Variants in RBKS observed in about 807,000 individuals in gnomAD.
RBKS encodes the protein ribokinase.
In RBKS, 33 loss-of-function variants were observed where a neutral mutation model predicts 33.9. The observed-to-expected ratio is 0.97, with a 90% CI of 0.74 to 1.30. The LOEUF (loss-of-function observed/expected upper bound fraction) is 1.30, where lower values mean the gene tolerates loss of function less well. RBKS is among the 50% of genes most tolerant of loss of function. The pLI is 0.00. For synonymous variants in RBKS, 125 were observed against 143.0 expected (o/e 0.87, Z 0.90); for missense variants, 361 against 392.6 (o/e 0.92, Z 0.68).
At chr2:27,879,030 C>T (rs556955709) in intron 1 of RBKS, among the ~76,000 whole-genome samples, 1 of 152,304 alleles carries the variant, frequency 6.6e-6, no homozygotes, top group African/African-American at 2.4e-5. Context: ...TCAGCAGATA[C>T]CATGCAAGCC....
chr2:27,805,255 T>A (rs1327844321), intron 7 of RBKS, among the ~76,000 whole-genome samples: 1 of 152,226 alleles, frequency 6.6e-6, no homozygotes, highest in Non-Finnish European at 1.5e-5. Context: ...TTGGACAAAC[T>A]TGCATTAACT....
intron 7 of RBKS, among the ~76,000 whole-genome samples, chr2:27,826,236 C>T (rs1678308951): frequency 1.3e-5 from 2 of 152,126 alleles, no homozygotes; most frequent in African/African-American, 4.8e-5. Context: ...TCCCCTCAGC[C>T]TTCTTTTTTC....
At chr2:27,879,619 T>C (rs546705442) in intron 1 of RBKS, among the ~76,000 whole-genome samples, 1 of 152,250 alleles carries the variant, frequency 6.6e-6, no homozygotes, top group East Asian at 1.9e-4. Flanking sequence ...AGCCAACACA[T>C]TTCTGTTCGT....
chr2:27,840,359 C>CACAT (rs1475964445), intron 5 of RBKS, among the ~76,000 whole-genome samples: 1 of 101,134 alleles, frequency 9.9e-6, no homozygotes, highest in South Asian at 3.1e-4. Flanking sequence ...CACACACGCG[C>CACAT]GCGCGCACAC....
chr2:27,781,638 CT>C lies in RBKS; in HGVS notation c.945del (p.Asp316ThrfsTer11), dbSNP rs746890274. 2.5e-6 allele frequency: 4 copies of C among 1,612,344 alleles called. No homozygotes were observed. The highest frequency in any genetic ancestry group is 2.2e-5 in the East Asian group (1 of 44,776). On this transcript the variant is annotated frameshift_variant, in exon 8 of 8. Coordinates refer to ENST00000302188, the MANE Select transcript of RBKS (RefSeq NM_022128.3). LOFTEE classifies it high-confidence loss of function. ...AATCAAAACAGAGTAAGCGGAAGGT[CT>C]TTTTTGTAAGGGTAAGATGACTGTG... The part of the protein sequence containing the change: ...AGTQSSYPYK[K>X]DLPLTLF
chr2:27,845,186 G>T (rs1663599601), intron 4 of RBKS, among the ~76,000 whole-genome samples: 2 of 152,168 alleles, frequency 1.3e-5, no homozygotes, highest in Non-Finnish European at 2.9e-5. Context: ...CAAATTTTTG[G>T]CCTGGCCTTA....
At chr2:27,861,809 GC>G (rs1463975243) in intron 1 of RBKS, among the ~76,000 whole-genome samples, 1 of 151,760 alleles carries the variant, frequency 6.6e-6, no homozygotes, top group Non-Finnish European at 1.5e-5. Context: ...GCACCACCAT[GC>G]CCAGCTAATT....
In RBKS at chr2:27,781,419, T is replaced by C. The variant is rs140736514; in HGVS notation, c.*196A>G. On this transcript the variant is annotated 3_prime_UTR_variant, in exon 8 of 8. Transcript: ENST00000302188. Reference sequence around the variant, plus strand: ...ATCTTGGTTGTGGAATCTTTAATTCTGGTTGTTTTGTGCAAATGCATGGAA... The same window carrying C: ...ATCTTGGTTGTGGAATCTTTAATTCCGGTTGTTTTGTGCAAATGCATGGAA... 585 of 536,932 alleles carry C rather than the reference T, an allele frequency of 1.1e-3. 2 individuals are homozygous for C. Among genetic ancestry groups the C allele is most frequent in the African/African-American group, 0.011 (545 of 51,876 alleles). 33.3% of individuals were successfully genotyped at this position (536,932 alleles called of 1,614,324 possible).
chr2:27,887,304 C>G (rs1457775352), intron 1 of RBKS, among the ~76,000 whole-genome samples: 2 of 152,152 alleles, frequency 1.3e-5, no homozygotes, highest in East Asian at 1.9e-4. Context: ...AAAACAGATC[C>G]TCCTCTAGAG....
chr2:27,801,507 A>ACACACACACACAC (rs1677782961), intron 7 of RBKS, among the ~76,000 whole-genome samples: 2 of 149,664 alleles, frequency 1.3e-5, no homozygotes, highest in African/African-American at 5.0e-5. Context: ...ACACACACAC[A>ACACACACACACAC]AGCGGTCCCA....
At chr2:27,814,613 G>T (rs751149930) in intron 7 of RBKS, among the ~76,000 whole-genome samples, 1 of 152,180 alleles carries the variant, frequency 6.6e-6, no homozygotes, top group East Asian at 1.9e-4. Context: ...GAAGGAAAAA[G>T]ATTTTCCTAA....
intron 1 of RBKS, among the ~76,000 whole-genome samples, chr2:27,872,889 C>A (rs1235260567): frequency 6.6e-6 from 1 of 152,028 alleles, no homozygotes; most frequent in East Asian, 1.9e-4. Flanking sequence ...GAAGCAGAAG[C>A]TTGAATGGAT....
chr2:27,789,899 GAGTGTGTGTGTGTGTGTT>G (rs1228360386), intron 7 of RBKS, among the ~76,000 whole-genome samples: 1 of 126,898 alleles, frequency 7.9e-6, no homozygotes, highest in Non-Finnish European at 1.6e-5. Context: ...TGTGTGTATA[GAGTGTGTGTGTGTGTGTT>G]TGTGTGTGTA....
chr2:27,825,107 A>G (rs924017812), intron 7 of RBKS, among the ~76,000 whole-genome samples: 1 of 151,806 alleles, frequency 6.6e-6, no homozygotes, highest in African/African-American at 2.4e-5. Context: ...ACTGCACTCC[A>G]GCCTAGGCAA....
chr2:27,787,249 TCG>T (rs1677422358), intron 7 of RBKS, among the ~76,000 whole-genome samples: 1 of 152,138 alleles, frequency 6.6e-6, no homozygotes, highest in Non-Finnish European at 1.5e-5. Context: ...CTGGGCAACG[TCG>T]TGAAGCCCTG....
chr2:27,814,534 C>G (rs1391525626), intron 7 of RBKS, among the ~76,000 whole-genome samples: 1 of 152,126 alleles, frequency 6.6e-6, no homozygotes, highest in Non-Finnish European at 1.5e-5. Flanking sequence ...AAATTATAGT[C>G]ACATACAACT....
At chr2:27,862,462 C>T (rs953051850) in intron 1 of RBKS, among the ~76,000 whole-genome samples, 16 of 152,016 alleles carry the variant, frequency 1.1e-4, no homozygotes, top group African/African-American at 3.9e-4. Context: ...ATCAGATTCA[C>T]GTGGCCTCTG....
At chr2:27,862,996 T>A (rs1459911830) in intron 1 of RBKS, among the ~76,000 whole-genome samples, 4 of 135,738 alleles carry the variant, frequency 2.9e-5, no homozygotes, top group African/African-American at 9.1e-5. Context: ...TATGATTTGT[T>A]CTAATTAAAA....
intron 2 of RBKS, among the ~76,000 whole-genome samples, chr2:27,856,578 A>G (rs1205987521): frequency 6.6e-6 from 1 of 152,214 alleles, no homozygotes; most frequent in Non-Finnish European, 1.5e-5. Flanking sequence ...TAGGGTTGGA[A>G]GAGATCCCAG....
Sources: gnomAD v4.1 joint callset for allele counts (sites outside exome capture counted in the v4.1 genomes callset) on GRCh38, gnomAD v4.1.1 for gene constraint, MANE v1.5 for transcripts, NCBI Gene and HGNC (gene_info 2026-07-23, HGNC 2026-07-21) for gene names.